CD109: variants seen among roughly 807,000 people sequenced by gnomAD.
CD109 encodes CD109 molecule, also known as CD109 antigen.
A neutral mutation model predicts 165.8 loss-of-function variants in CD109; 149 were observed. The ratio of observed to expected loss-of-function variants is 0.90; its 90% confidence interval spans 0.79 to 1.03. The LOEUF (loss-of-function observed/expected upper bound fraction) is 1.03. CD109 is among the 50% of genes least tolerant of loss of function. The pLI is 0.00. For synonymous variants in CD109, 585 were observed against 592.1 expected, an observed-to-expected ratio of 0.99 and a Z score of 0.18; for missense variants, 1,712 against 1,677.8, an observed-to-expected ratio of 1.02 and a Z score of -0.36.
At chr6:73,679,539 C>T in the CD109 span, among the ~76,000 whole-genome samples, 1 of 151,004 alleles carries the variant, frequency 6.6e-6, no homozygotes, top group African/African-American at 2.4e-5. Flanking sequence ...TTTTATATTT[C>T]AGTACTAGCA....
chr6:73,796,555 G>A (rs1409559805), intron 23 of CD109, among the ~76,000 whole-genome samples: 1 of 152,048 alleles, frequency 6.6e-6, no homozygotes, highest in African/African-American at 2.4e-5. Flanking sequence ...CATCTGTCCT[G>A]GCATTTAGAG....
At chr6:73,683,598 C>T in the CD109 span, among the ~76,000 whole-genome samples, 2 of 152,192 alleles carry the variant, frequency 1.3e-5, no homozygotes, top group Non-Finnish European at 2.9e-5. Flanking sequence ...TTTTGGGTAC[C>T]TTTTCAGCAG....
At chr6:73,690,283 T>C in the CD109 span, among the ~76,000 whole-genome samples, 2 of 152,244 alleles carry the variant, frequency 1.3e-5, no homozygotes, top group African/African-American at 4.8e-5. Context: ...TTGCTAAATA[T>C]GTCTTCCTAA....
intron 23 of CD109, among the ~76,000 whole-genome samples, chr6:73,798,110 G>GTTTTTTTTTTTTTT: frequency 7.0e-6 from 1 of 142,516 alleles, no homozygotes. Context: ...TCAGTGTCCT[G>GTTTTTTTTTTTTTT]TTTTTTTTTT....
At chr6:73,716,912 G>A (rs1205722044) in intron 2 of CD109, among the ~76,000 whole-genome samples, 1 of 152,132 alleles carries the variant, frequency 6.6e-6, no homozygotes, top group African/African-American at 2.4e-5. Flanking sequence ...ACAGTTTTAG[G>A]TTTTAGGTTT....
chr6:73,757,087 C>G (rs1003637547), intron 6 of CD109, among the ~76,000 whole-genome samples: 1 of 152,152 alleles, frequency 6.6e-6, no homozygotes, highest in African/African-American at 2.4e-5. Flanking sequence ...GCCATACTTA[C>G]AATATCTGTT....
upstream of CD109, chr6:73,695,747 T>TA (rs1770795410): frequency 5.6e-6 from 1 of 179,166 alleles, no homozygotes; most frequent in Admixed American, 6.1e-5. Flanking sequence ...TTCTGACTCA[T>TA]AGTCTGGAGG....
intron 2 of CD109, among the ~76,000 whole-genome samples, chr6:73,700,487 TA>T (rs1449353261): frequency 1.3e-5 from 2 of 152,186 alleles, no homozygotes; most frequent in African/African-American, 4.8e-5. Flanking sequence ...CTTAGTAGCT[TA>T]TTTCCAGCAG....
At chr6:73,736,961 A>G (rs1199449358) in intron 5 of CD109, among the ~76,000 whole-genome samples, 4 of 152,192 alleles carry the variant, frequency 2.6e-5, no homozygotes, top group South Asian at 2.1e-4. Context: ...CTTTTTCCCT[A>G]GCTTCTACAC....
At position 73,826,461 on chromosome 6, in the gene CD109, G is replaced by T. The variant is rs1282138680; in HGVS notation, c.*2828G>T. 6.6e-6 allele frequency: 1 copy of T among 152,128 alleles called. No homozygotes were observed. Among genetic ancestry groups the T allele is most frequent in the Non-Finnish European group, 1.5e-5 (1 of 68,024 alleles). 9.4% of individuals were successfully genotyped at this position (152,128 alleles called of 1,614,324 possible). ...TTTCTGACTGGCCGATGCTTCCAGA[G>T]ACTGAATGTTGGGAAAACCTAGTAG... On this transcript the variant is annotated 3_prime_UTR_variant, in exon 33 of 33. Transcript: ENST00000287097.
chr6:73,717,239 G>A (rs1286219935), intron 2 of CD109, among the ~76,000 whole-genome samples: 1 of 149,506 alleles, frequency 6.7e-6, no homozygotes, highest in Non-Finnish European at 1.5e-5. Context: ...TTCTTTCTCA[G>A]TATGGCTTTG....
chr6:73,705,240 G>A (rs1357414209), intron 2 of CD109, among the ~76,000 whole-genome samples: 1 of 152,166 alleles, frequency 6.6e-6, no homozygotes. Context: ...CATAGAGGCA[G>A]ACAATATTTT....
At chr6:73,747,357 C>T (rs892960122) in intron 5 of CD109, among the ~76,000 whole-genome samples, 3 of 152,178 alleles carry the variant, frequency 2.0e-5, no homozygotes, top group African/African-American at 7.2e-5. Flanking sequence ...AATGTCTGAT[C>T]TCTCTGCCTC....
intron 28 of CD109, 94 bp downstream of exon 28, chr6:73,811,241 C>A: frequency 7.2e-7 from 1 of 1,390,122 alleles, no homozygotes; most frequent in Non-Finnish European, 9.6e-7. Context: ...TCAACAAAGA[C>A]TTGTTTCCAG....
chr6:73,696,204 G>C lies in CD109; in HGVS notation c.-12G>C. 2 of 1,545,386 alleles carry C rather than the reference G, an allele frequency of 1.3e-6. No homozygotes were observed. Among genetic ancestry groups the C allele is most frequent in the South Asian group, 2.4e-5 (2 of 84,294 alleles). ...CCGGCAGCGGACTGTAGCCCAGGCA[G>C]ACGCCGTCGAGATGCAGGGCCCACC... On this transcript the variant is annotated 5_prime_UTR_variant, in exon 1 of 33. Transcript: ENST00000287097.
At chr6:73,718,641 T>C (rs9446994) in intron 2 of CD109, among the ~76,000 whole-genome samples, 124,966 of 151,712 alleles carry the variant, frequency 0.82, 52,299 homozygotes, top group Non-Finnish European at 0.91. Context: ...GTCAGGTGGT[T>C]AGGGTCAGAA....
intron 2 of CD109, among the ~76,000 whole-genome samples, chr6:73,710,183 C>G (rs149574458): frequency 0.027 from 4,167 of 152,230 alleles, 86 homozygotes; most frequent in East Asian, 0.046. Flanking sequence ...GATTGTATAT[C>G]TAGAAAACCC....
At chr6:73,682,313 G>C in the CD109 span, among the ~76,000 whole-genome samples, 1 of 152,108 alleles carries the variant, frequency 6.6e-6, no homozygotes, top group East Asian at 1.9e-4. Flanking sequence ...GGAGAAATTG[G>C]CCAAAACAAA....
chr6:73,810,081 A>C lies in CD109; in HGVS notation c.3453A>C (p.Ser1151=). ...AAGTTGCAGCCTATGCACTGCTCTC[A>C]CACTTCTTACAATTTCAGACTTCTG... The part of the protein sequence containing the change: ...DIEVAAYALL[S]HFLQFQTSEG... Residue 1151 remains serine, a synonymous_variant, in exon 27 of 33, where the codon TCA becomes TCC. Coordinates refer to ENST00000287097, the MANE Select transcript of CD109 (RefSeq NM_133493.5). 3.1e-6 allele frequency: 5 copies of C among 1,610,818 alleles called. No homozygotes were observed. In the South Asian group the frequency reaches 5.5e-5, roughly 18 times the overall value.
Sources: allele counts gnomAD v4.1 joint callset (sites outside exome capture counted in the v4.1 genomes callset), GRCh38; gene constraint gnomAD v4.1.1; transcripts MANE v1.5; gene names NCBI Gene and HGNC (gene_info 2026-07-23, HGNC 2026-07-21).